Variants in HRH1 observed in about 807,000 individuals in gnomAD.
HRH1 encodes histamine H1 receptor.
In HRH1, 6 loss-of-function variants were observed where a neutral mutation model predicts 10.3. That is an observed-to-expected ratio of 0.58 (90% confidence interval 0.32 to 1.15). HRH1 has a LOEUF of 1.15. Among genes scored for constraint, HRH1 ranks in the 50% most tolerant of loss-of-function variants. HRH1 has a pLI of 0.05. For missense variants in HRH1, 514 were observed against 615.3 expected, an observed-to-expected ratio of 0.84 and a Z score of 1.74; for synonymous variants, 242 against 236.7, an observed-to-expected ratio of 1.02 and a Z score of -0.21.
At chr3:11,239,153 C>G (rs149339403) in intron 1 of HRH1, among the ~76,000 whole-genome samples, 31 of 152,320 alleles carry the variant, frequency 2.0e-4, no homozygotes, top group African/African-American at 6.7e-4. Context: ...TCTTCTTTCT[C>G]CACATCTTCA....
chr3:11,238,109 C>T (rs1425917803), intron 1 of HRH1, among the ~76,000 whole-genome samples: 1 of 152,030 alleles, frequency 6.6e-6, no homozygotes, highest in East Asian at 1.9e-4. Context: ...CTTTCCTGCA[C>T]TTAGCTTTAA....
At position 11,154,748 on chromosome 3, in the gene HRH1, C is replaced by T. The variant is rs1268207873; in HGVS notation, c.-36+194C>T. Reference sequence around the variant, plus strand: ...GGGGAGGGTGGCGGAGGGCGGCTCGCTCGGTGGCACCGCTCCCCTCTCCAC... The same window carrying T: ...GGGGAGGGTGGCGGAGGGCGGCTCGTTCGGTGGCACCGCTCCCCTCTCCAC... On this transcript the variant is annotated intron_variant, in intron 1 of 1. Transcript: ENST00000431010. This position sits in a 1 kb window ranked among gnomAD's most constrained non-coding sequence, Gnocchi z 4.4. 6.6e-6 allele frequency among the ~76,000 whole-genome samples: 1 copy of T among 152,104 alleles called. No homozygotes were observed. Among genetic ancestry groups the T allele is most frequent in the Non-Finnish European group, 1.5e-5 (1 of 67,994 alleles).
chr3:11,222,008 T>G (rs1938725707), intron 1 of HRH1, among the ~76,000 whole-genome samples: 1 of 152,232 alleles, frequency 6.6e-6, no homozygotes, highest in African/African-American at 2.4e-5. Flanking sequence ...GATGGACATG[T>G]GGGTTGCTTC....
chr3:11,209,242 C>G (rs1478804357), intron 1 of HRH1, among the ~76,000 whole-genome samples: 1 of 152,126 alleles, frequency 6.6e-6, no homozygotes, highest in East Asian at 1.9e-4. Flanking sequence ...CAGGCTTATG[C>G]CACGATGCCT....
intron 1 of HRH1, among the ~76,000 whole-genome samples, chr3:11,217,180 C>T (rs139810888): frequency 9.7e-4 from 145 of 149,178 alleles, no homozygotes; most frequent in Non-Finnish European, 1.7e-3. Flanking sequence ...AGGGAGAGTC[C>T]GTCTCCAAAA....
intron 1 of HRH1, among the ~76,000 whole-genome samples, chr3:11,156,085 G>A (rs1046106057): frequency 6.6e-6 from 1 of 152,172 alleles, no homozygotes; most frequent in Non-Finnish European, 1.5e-5. Context: ...CAGCAGCAAA[G>A]GATGAATAGA....
Position 11,258,984 on chromosome 3 carries a change from T to G in HRH1, c.-35-19T>G. ...ATCACCCAAGTCTCTGACCTTACTT[T>G]TTCTCTCTTTTCTCCCAGGGAGTGA... On this transcript the variant is annotated intron_variant, in intron 1 of 1. Transcript: ENST00000431010. 6.5e-7 allele frequency: 1 copy of G among 1,526,732 alleles called. No individual in the cohort carries two copies. Among genetic ancestry groups the G allele is most frequent in the Non-Finnish European group, 8.8e-7 (1 of 1,137,708 alleles). 94.6% of individuals were successfully genotyped at this position (1,526,732 alleles called of 1,614,324 possible). A position where few individuals can be genotyped will look rare whatever the true frequency, so the allele number is the denominator to read the frequency against.
chr3:11,169,117 C>T (rs7636608), intron 1 of HRH1, among the ~76,000 whole-genome samples: 40,932 of 152,118 alleles, frequency 0.27, 7,355 homozygotes, highest in African/African-American at 0.51. Flanking sequence ...GTTTGAATCA[C>T]GGCTCTGCCA....
chr3:11,251,052 G>C (rs186908167), intron 1 of HRH1, among the ~76,000 whole-genome samples: 3 of 152,100 alleles, frequency 2.0e-5, no homozygotes, highest in Non-Finnish European at 4.4e-5. Flanking sequence ...ATCTTCCCTC[G>C]TGACTTTCTT....
At chr3:11,239,655 T>G (rs867967280) in intron 1 of HRH1, among the ~76,000 whole-genome samples, 2 of 152,314 alleles carry the variant, frequency 1.3e-5, no homozygotes, top group Middle Eastern at 3.4e-3. Context: ...AATTTTTGTG[T>G]ATGATATAAG....
intron 1 of HRH1, among the ~76,000 whole-genome samples, chr3:11,258,511 A>G (rs1939844535): frequency 6.6e-6 from 1 of 152,068 alleles, no homozygotes; most frequent in Non-Finnish European, 1.5e-5. Context: ...TCAGAGAGGA[A>G]GAACGTTCCT....
intron 1 of HRH1, among the ~76,000 whole-genome samples, chr3:11,214,881 A>C (rs908204411): frequency 1.3e-5 from 2 of 152,256 alleles, no homozygotes; most frequent in Non-Finnish European, 2.9e-5. Context: ...TGATGGGTTC[A>C]TGATATCAGC....
chr3:11,211,611 A>G (rs1938329440), intron 1 of HRH1, among the ~76,000 whole-genome samples: 1 of 152,216 alleles, frequency 6.6e-6, no homozygotes, highest in South Asian at 2.1e-4. Flanking sequence ...CTTCCTGGCT[A>G]TGACCCAGAG....
At chr3:11,215,426 T>G (rs1292874710) in intron 1 of HRH1, among the ~76,000 whole-genome samples, 2 of 152,114 alleles carry the variant, frequency 1.3e-5, no homozygotes, top group African/African-American at 2.4e-5. Flanking sequence ...ACTGTGTTTT[T>G]GGGTTTTTTT....
intron 1 of HRH1, among the ~76,000 whole-genome samples, chr3:11,205,334 G>T (rs1938078711): frequency 6.6e-6 from 1 of 152,118 alleles, no homozygotes; most frequent in Non-Finnish European, 1.5e-5. Context: ...TGTAGGCTCT[G>T]CCCTGCCCTG....
At chr3:11,191,706 A>T (rs941988627) in intron 1 of HRH1, among the ~76,000 whole-genome samples, 1 of 152,254 alleles carries the variant, frequency 6.6e-6, no homozygotes. Context: ...TAGAGGAATT[A>T]AGTATGTAAA....
chr3:11,174,575 A>G (rs1937214666), intron 1 of HRH1, among the ~76,000 whole-genome samples: 1 of 152,214 alleles, frequency 6.6e-6, no homozygotes, highest in Non-Finnish European at 1.5e-5. Flanking sequence ...AAAGGCAGAG[A>G]GAACCGCAAA....
At chr3:11,244,369 A>G (rs1355527310) in intron 1 of HRH1, among the ~76,000 whole-genome samples, 1 of 152,256 alleles carries the variant, frequency 6.6e-6, no homozygotes, top group Non-Finnish European at 1.5e-5. Flanking sequence ...TATTCCAGGC[A>G]GCTGTATACT....
At chr3:11,164,021 G>A (rs891885021) in intron 1 of HRH1, among the ~76,000 whole-genome samples, 3 of 152,190 alleles carry the variant, frequency 2.0e-5, no homozygotes, top group African/African-American at 7.2e-5. Context: ...ACCCATCGAC[G>A]TGCAAGGAAC....
Sources: allele counts gnomAD v4.1 joint callset (sites outside exome capture counted in the v4.1 genomes callset), GRCh38; gene constraint gnomAD v4.1.1; non-coding constraint Gnocchi (gnomAD v3.1); transcripts MANE v1.5; gene names NCBI Gene and HGNC (gene_info 2026-07-23, HGNC 2026-07-21).